The following COL23A1 variants were observed in gnomAD, a reference collection of about 807,000 sequenced individuals.
COL23A1 encodes the protein collagen type XXIII alpha 1 chain.
A neutral mutation model predicts 99.3 loss-of-function variants in COL23A1; 97 were observed. The observed-to-expected ratio is 0.98, with a 90% CI of 0.83 to 1.16. The LOEUF is 1.16. Ranked by LOEUF, COL23A1 falls within the 50% of genes most tolerant of loss-of-function variation. The probability of loss-of-function intolerance (pLI) is 0.00; values close to 1 mark genes in which losing one functional copy is unlikely to be tolerated. For missense variants in COL23A1, 762 were observed against 757.4 expected, an observed-to-expected ratio of 1.01 and a Z score of -0.07; for synonymous variants, 320 against 308.2, an observed-to-expected ratio of 1.04 and a Z score of -0.40.
At chr5:178,331,181 T>A (rs1478766957) in intron 2 of COL23A1, among the ~76,000 whole-genome samples, 1 of 152,242 alleles carries the variant, frequency 6.6e-6, no homozygotes, top group Non-Finnish European at 1.5e-5. Context: ...CATGCTATGT[T>A]CCCTTCTGGG....
chr5:178,256,476 C>T lies in COL23A1; in HGVS notation c.838-79G>A, dbSNP rs1480075143. ...CTCCCACGACCCTGCCCCCAGTCCC[C>T]TCTTCCCAGGAGGGCCCAGGGCCCG... On this transcript the variant is annotated intron_variant, in intron 14 of 28. Coordinates refer to ENST00000390654, the MANE Select transcript of COL23A1 (RefSeq NM_173465.4). 3.6e-6 allele frequency: 5 copies of T among 1,399,072 alleles called. No homozygotes were observed. In the Admixed American group the frequency reaches 9.7e-5, roughly 27 times the overall value. The allele number at this position is 1,399,072 out of a possible 1,614,324, so 86.7% of individuals were successfully genotyped here. A position where few individuals can be genotyped will look rare whatever the true frequency, so the allele number is the denominator to read the frequency against.
At chr5:178,519,242 C>T (rs1248934338) in intron 2 of COL23A1, among the ~76,000 whole-genome samples, 1 of 152,262 alleles carries the variant, frequency 6.6e-6, no homozygotes, top group Non-Finnish European at 1.5e-5. Context: ...AAACTGTGGG[C>T]TCAGGGGCAG....
At chr5:178,274,687 G>T (rs893123188) in intron 5 of COL23A1, among the ~76,000 whole-genome samples, 1 of 152,168 alleles carries the variant, frequency 6.6e-6, no homozygotes, top group African/African-American at 2.4e-5. Context: ...GAGTGGGAAG[G>T]AAAGTAGCTC....
At chr5:178,511,623 A>G (rs1759210250) in intron 2 of COL23A1, among the ~76,000 whole-genome samples, 1 of 152,216 alleles carries the variant, frequency 6.6e-6, no homozygotes, top group Non-Finnish European at 1.5e-5. Context: ...TCTGGAAGGA[A>G]GGCATGGGCT....
intron 2 of COL23A1, among the ~76,000 whole-genome samples, chr5:178,333,390 C>G (rs368700490): frequency 6.6e-6 from 1 of 152,164 alleles, no homozygotes. Context: ...GATGATGGCA[C>G]TTAGGGCCCC....
chr5:178,272,187 G>A (rs561515675), intron 5 of COL23A1, among the ~76,000 whole-genome samples: 12 of 152,326 alleles, frequency 7.9e-5, no homozygotes, highest in East Asian at 1.9e-4. Context: ...CTCGTCCCCC[G>A]GGACAGCCTC....
intron 2 of COL23A1, among the ~76,000 whole-genome samples, chr5:178,420,366 TCTTTCCTCCTCCCCTCCCCC>T (rs1765541529): frequency 8.3e-6 from 1 of 121,062 alleles, no homozygotes. Context: ...GCCCCTCCTC[TCTTTCCTCCTCCCCTCCCCC>T]CTTTCCCCCT....
In COL23A1 at chr5:178,510,397, C is replaced by A. The variant is rs898705528; in HGVS notation, c.361+50285G>T. 3.3e-5 allele frequency among the ~76,000 whole-genome samples: 5 copies of A among 152,232 alleles called. No homozygotes were observed. In the East Asian group the frequency reaches 9.7e-4, roughly 29 times the overall value. On this transcript the variant is annotated intron_variant, in intron 2 of 28. Coordinates refer to ENST00000390654, the MANE Select transcript of COL23A1 (RefSeq NM_173465.4). ...TCTCTACTAAAAATACAAAAACTAG[C>A]CAGGTGTGGTGGTGCACACCTGTAA... is the stretch of plus-strand genomic sequence containing the variant.
chr5:178,275,644 T>C (rs1003905338), intron 5 of COL23A1, among the ~76,000 whole-genome samples: 5 of 152,158 alleles, frequency 3.3e-5, no homozygotes, highest in Non-Finnish European at 4.4e-5. Context: ...GCGCAGGTTC[T>C]CTTACAGGGT....
intron 1 of COL23A1, among the ~76,000 whole-genome samples, chr5:178,568,605 G>A (rs964998299): frequency 4.6e-5 from 7 of 152,110 alleles, no homozygotes; most frequent in South Asian, 4.1e-4. Flanking sequence ...CCTAACCCCA[G>A]CTCCTGCAAC....
intron 2 of COL23A1, among the ~76,000 whole-genome samples, chr5:178,354,345 A>C (rs1224033496): frequency 6.6e-6 from 1 of 152,158 alleles, no homozygotes; most frequent in East Asian, 1.9e-4. Flanking sequence ...AATAGCTGCG[A>C]CTACAGGCAC....
chr5:178,268,473 G>A (rs933440732), intron 7 of COL23A1, among the ~76,000 whole-genome samples: 14 of 152,120 alleles, frequency 9.2e-5, no homozygotes, highest in African/African-American at 2.7e-4. Flanking sequence ...TGGGAACACC[G>A]GGCCTCCGAG....
chr5:178,484,639 C>G (rs550533881), intron 2 of COL23A1, among the ~76,000 whole-genome samples: 2 of 151,842 alleles, frequency 1.3e-5, no homozygotes, highest in South Asian at 4.2e-4. Flanking sequence ...CTGGCTAACA[C>G]GGTGAAACCC....
rs144436954 is a variant in COL23A1 at position 178,431,076 on chromosome 5, C to T, written c.362-124157G>A. Among the ~76,000 whole-genome samples the T allele has an allele frequency of 4.1e-3, 625 of 152,178 alleles. 4 individuals are homozygous for T. The highest frequency in any genetic ancestry group is 0.014 in the African/African-American group (588 of 41,510). ...AGACCAGAGCCCCAGGCAGTAAGTGCGGTGTGAGCAAAGACATAGAGGGAG... is the reference window on the plus strand; with the variant it reads ...AGACCAGAGCCCCAGGCAGTAAGTGTGGTGTGAGCAAAGACATAGAGGGAG... On this transcript the variant is annotated intron_variant, in intron 2 of 28. Transcript: ENST00000390654.
chr5:178,364,716 C>G (rs1233437221), intron 2 of COL23A1, among the ~76,000 whole-genome samples: 2 of 152,232 alleles, frequency 1.3e-5, no homozygotes, highest in Non-Finnish European at 2.9e-5. Flanking sequence ...TGTCCCCACT[C>G]CAGAGGCTCT....
intron 2 of COL23A1, among the ~76,000 whole-genome samples, chr5:178,513,789 G>A (rs999992340): frequency 7.9e-5 from 12 of 152,084 alleles, no homozygotes; most frequent in East Asian, 1.9e-4. Context: ...CCATCTTCAC[G>A]GTCAGCACAG....
chr5:178,502,272 C>T (rs1758591997), intron 2 of COL23A1, among the ~76,000 whole-genome samples: 2 of 152,178 alleles, frequency 1.3e-5, no homozygotes, highest in African/African-American at 2.4e-5. Context: ...GCTGGGACTA[C>T]AGGCGCCCGC....
At chr5:178,399,505 T>C (rs1274286270) in intron 2 of COL23A1, among the ~76,000 whole-genome samples, 2 of 152,168 alleles carry the variant, frequency 1.3e-5, no homozygotes, top group Non-Finnish European at 2.9e-5. Context: ...GTTGAGCCGA[T>C]TGCTGGGAAC....
At chr5:178,543,569 G>A (rs893019622) in intron 2 of COL23A1, among the ~76,000 whole-genome samples, 3 of 152,100 alleles carry the variant, frequency 2.0e-5, no homozygotes, top group African/African-American at 4.8e-5. Flanking sequence ...AGTGAGCCCC[G>A]GGGGATTGTG....
Sources: gnomAD v4.1 joint callset for allele counts (sites outside exome capture counted in the v4.1 genomes callset) on GRCh38, gnomAD v4.1.1 for gene constraint, MANE v1.5 for transcripts, NCBI Gene and HGNC (gene_info 2026-07-23, HGNC 2026-07-21) for gene names.